The following BIN1 variants were observed in gnomAD, a reference collection of about 807,000 sequenced individuals.
BIN1 encodes bridging integrator 1.
BIN1 carries 53 observed loss-of-function variants against 82.0 expected under a neutral mutation model. The observed-to-expected ratio is 0.65, with a 90% CI of 0.52 to 0.81. The LOEUF (loss-of-function observed/expected upper bound fraction) is 0.81, where lower values mean the gene tolerates loss of function less well. Among genes scored for constraint, BIN1 ranks in the 40% least tolerant of loss-of-function variants. The pLI, the probability that BIN1 is intolerant of heterozygous loss-of-function variation, is 0.00. For missense variants in BIN1, 642 were observed against 784.4 expected, an observed-to-expected ratio of 0.82 and a Z score of 2.17; for synonymous variants, 302 against 328.0, an observed-to-expected ratio of 0.92 and a Z score of 0.86.
chr2:127,090,430 T>A lies in BIN1; in HGVS notation c.85-13724A>T, dbSNP rs1393362747. ...CCTCCACCACTTCAGTTGTGCTGGG[T>A]GGGGCTCGCTGAGGACAGCCTGTCT... On this transcript the variant is annotated intron_variant, in intron 1 of 18. Coordinates refer to ENST00000316724, the MANE Select transcript of BIN1 (RefSeq NM_139343.3). The surrounding 1 kb of genome is among the most constrained non-coding windows in gnomAD (Gnocchi z 6.4). 6.6e-6 allele frequency among the ~76,000 whole-genome samples: 1 copy of A among 152,226 alleles called. No individual in the cohort carries two copies. The highest frequency in any genetic ancestry group is 2.4e-5 in the African/African-American group (1 of 41,462).
At chr2:127,062,226 G>T in intron 9 of BIN1, 29 bp from the exon 10 acceptor site, 1 of 1,576,122 alleles carries the variant, frequency 6.3e-7, no homozygotes. Flanking sequence ...GGAGGTGGGG[G>T]GCCTCCAAGG....
At chr2:127,101,766 T>C (rs984777689) in intron 1 of BIN1, among the ~76,000 whole-genome samples, 23 of 152,160 alleles carry the variant, frequency 1.5e-4, no homozygotes, top group African/African-American at 5.3e-4. Context: ...AGCTCTCTGA[T>C]TCCCAAGCCC....
At chr2:127,083,277 G>A (rs1050828420) in intron 1 of BIN1, among the ~76,000 whole-genome samples, 5 of 151,792 alleles carry the variant, frequency 3.3e-5, no homozygotes, top group Middle Eastern at 3.2e-3. Flanking sequence ...ACAGGGCCTC[G>A]CTATGTTGCC....
intron 15 of BIN1, among the ~76,000 whole-genome samples, chr2:127,051,646 C>G (rs1251930224): frequency 6.6e-6 from 1 of 152,226 alleles, no homozygotes; most frequent in Non-Finnish European, 1.5e-5. Flanking sequence ...ATAGATAGTC[C>G]ATGGCAGGGG....
chr2:127,053,388 C>G, intron 14 of BIN1, 34 bp downstream of exon 14: 3 of 1,613,546 alleles, frequency 1.9e-6, no homozygotes, highest in South Asian at 2.2e-5. Flanking sequence ...GTGGCTCCCC[C>G]AGGGGCTGGA....
chr2:127,054,273 T>G (rs1683359876), intron 12 of BIN1: 17 of 498,908 alleles, frequency 3.4e-5, no homozygotes, highest in Non-Finnish European at 3.7e-5. Context: ...ACGACCCCAG[T>G]GCCCGCCTCA....
chr2:127,063,375 G>C (rs1684743283), intron 9 of BIN1, among the ~76,000 whole-genome samples, 196 bp downstream of exon 9: 1 of 152,194 alleles, frequency 6.6e-6, no homozygotes, highest in South Asian at 2.1e-4. Context: ...AGCCTCCCCA[G>C]CATGCCCTGC....
At chr2:127,053,789 A>C in intron 13 of BIN1, 116 bp downstream of exon 13, 1 of 1,005,458 alleles carries the variant, frequency 9.9e-7, no homozygotes, top group Non-Finnish European at 1.5e-6. Context: ...CTGAGGTGCC[A>C]GGGGAAGGGC....
At chr2:127,065,121 C>G (rs952527873) in intron 7 of BIN1, among the ~76,000 whole-genome samples, 2 of 152,348 alleles carry the variant, frequency 1.3e-5, no homozygotes, top group Middle Eastern at 3.4e-3. Context: ...AGCCAGCTGT[C>G]CCATCCAGCC....
chr2:127,070,637 C>T lies in BIN1; in HGVS notation c.231G>A (p.Glu77=), dbSNP rs1182830090. The change falls in exon 4 of 19, where the codon GAG becomes GAA. Residue 77 remains glutamate (E), a synonymous_variant. Transcript: ENST00000316724. ...GACACTCATTCAGCTTCTTGGAAGC[C>T]TCGTGCATGGCTGTGGGGCAGAAAG... ...TYLASVKAMH[E]ASKKLNECLQ... is the part of the protein sequence containing the mutation. The T allele has an allele frequency of 6.2e-7, 1 of 1,614,018 alleles. No homozygotes were observed. Among genetic ancestry groups the T allele is most frequent in the Non-Finnish European group, 8.5e-7 (1 of 1,180,040 alleles).
chr2:127,063,837 A>T lies in BIN1; in HGVS notation c.698+96T>A, dbSNP rs1451495757. On this transcript the variant is annotated intron_variant, in intron 8 of 18. Coordinates refer to ENST00000316724, the MANE Select transcript of BIN1 (RefSeq NM_139343.3). ...CCGCAGCACGCAGACTGGACACCGC[A>T]GCACGCAGGCTGGGCACCACAGCAC... 3.9e-6 allele frequency: 6 copies of T among 1,526,370 alleles called. No homozygotes were observed. The South Asian group carries it at 5.6e-5, about 14-fold the overall frequency. 94.6% of individuals were successfully genotyped at this position (1,526,370 alleles called of 1,614,324 possible).
chr2:127,096,610 GCCTGT>G (rs1679635581), intron 1 of BIN1, among the ~76,000 whole-genome samples: 1 of 152,066 alleles, frequency 6.6e-6, no homozygotes, highest in Non-Finnish European at 1.5e-5. Context: ...TTGCCCATCT[GCCTGT>G]GGTCCCAGGG....
At chr2:127,091,075 G>T (rs1193560587) in intron 1 of BIN1, among the ~76,000 whole-genome samples, 1 of 152,164 alleles carries the variant, frequency 6.6e-6, no homozygotes. Flanking sequence ...ACTAGTAAAT[G>T]GTGCCTACGG....
At chr2:127,080,729 G>A (rs1042009630) in intron 1 of BIN1, among the ~76,000 whole-genome samples, 2 of 152,138 alleles carry the variant, frequency 1.3e-5, no homozygotes, top group Non-Finnish European at 2.9e-5. Context: ...GATGTGAGTG[G>A]AGCTGAAGTG....
At chr2:127,054,117 A>T in intron 12 of BIN1, 105 bp from the exon 13 acceptor site, 1 of 876,644 alleles carries the variant, frequency 1.1e-6, no homozygotes. Flanking sequence ...GGACACACAC[A>T]CATACACACA....
chr2:127,068,530 C>T lies in BIN1; in HGVS notation c.520-275G>A, dbSNP rs2105053978. ...CCCGGAGGACGGGGCCACCCCAGCC[C>T]CTCACCAAAGGATGAGTGGGGCCAG... On this transcript the variant is annotated intron_variant, in intron 6 of 18. Transcript: ENST00000316724. This position sits in a 1 kb window ranked among gnomAD's most constrained non-coding sequence, Gnocchi z 4.9. 6.6e-6 allele frequency among the ~76,000 whole-genome samples: 1 copy of T among 152,320 alleles called. No homozygotes were observed. Among genetic ancestry groups the T allele is most frequent in the African/African-American group, 2.4e-5 (1 of 41,588 alleles).
chr2:127,074,594 G>A (rs1170934318), intron 2 of BIN1, among the ~76,000 whole-genome samples: 1 of 152,270 alleles, frequency 6.6e-6, no homozygotes, highest in African/African-American at 2.4e-5. Context: ...ATGACTCTGA[G>A]GGACAGTGGA....
rs972980251 is a variant in BIN1, at chr2:127,048,469, C to A, written c.*57G>T. ...GAAAACAAAACAAAAAAAAGAACCA[C>A]ACATTTTTCGGGAGGAGGTGTTCTT... On this transcript the variant is annotated 3_prime_UTR_variant, in exon 19 of 19. Coordinates refer to ENST00000316724, the MANE Select transcript of BIN1 (RefSeq NM_139343.3). 8 of 1,503,328 alleles carry A rather than the reference C, an allele frequency of 5.3e-6. No homozygotes were observed. In the Admixed American group the frequency reaches 1.3e-4, roughly 25 times the overall value. 93.1% of individuals were successfully genotyped at this position (1,503,328 alleles called of 1,614,324 possible).
Position 127,054,016 on chromosome 2 carries a change from G to A in BIN1, c.1132-4C>T. The stretch of plus-strand genomic sequence containing the variant: ...AGAAAGGCCCCGGGGCCTCAAACTT[G>A]GCAGCAGCAGCAGCAGCAGAGGAGG... On this transcript the variant is annotated splice_polypyrimidine_tract_variant and splice_region_variant and intron_variant, in intron 12 of 18. Coordinates refer to ENST00000316724, the MANE Select transcript of BIN1 (RefSeq NM_139343.3). 6.4e-7 allele frequency: 1 copy of A among 1,550,554 alleles called. No individual in the cohort carries two copies. The highest frequency in any genetic ancestry group is 8.7e-7 in the Non-Finnish European group (1 of 1,146,466).
Sources: allele counts gnomAD v4.1 joint callset (sites outside exome capture counted in the v4.1 genomes callset), GRCh38; gene constraint gnomAD v4.1.1; non-coding constraint Gnocchi (gnomAD v3.1); transcripts MANE v1.5; gene names NCBI Gene and HGNC (gene_info 2026-07-23, HGNC 2026-07-21).